The following ATP2A2 variants were observed in gnomAD, a reference collection of about 807,000 sequenced individuals.
ATP2A2 encodes the protein sarcoplasmic/endoplasmic reticulum calcium ATPase 2.
A neutral mutation model predicts 109.3 loss-of-function variants in ATP2A2; 14 were observed. The observed-to-expected ratio is 0.13, with a 90% CI of 0.08 to 0.20. The LOEUF (loss-of-function observed/expected upper bound fraction) is 0.20. Among genes scored for constraint, ATP2A2 ranks in the 10% least tolerant of loss-of-function variants. ATP2A2 has a pLI of 1.00. For missense variants in ATP2A2, 657 were observed against 1,321.6 expected, an observed-to-expected ratio of 0.50 and a Z score of 7.80; for synonymous variants, 506 against 490.9, an observed-to-expected ratio of 1.03 and a Z score of -0.41.
At chr12:110,333,958 T>G in intron 10 of ATP2A2, 54 bp from the exon 11 acceptor site, 1 of 1,611,008 alleles carries the variant, frequency 6.2e-7, no homozygotes, top group South Asian at 1.1e-5. Context: ...TAAAGATAAA[T>G]TTATCTGTGT....
Position 110,347,544 on chromosome 12 carries a change from T to G in ATP2A2, c.*1074T>G. 1.6e-6 allele frequency: 2 copies of G among 1,287,948 alleles called. No homozygotes were observed. The highest frequency in any genetic ancestry group is 2.0e-6 in the Non-Finnish European group (2 of 987,724). The allele number at this position is 1,287,948 out of a possible 1,614,324, so 79.8% of individuals were successfully genotyped here. A position where few individuals can be genotyped will look rare whatever the true frequency, so the allele number is the denominator to read the frequency against. On this transcript the variant is annotated 3_prime_UTR_variant, in exon 20 of 20. Transcript: ENST00000539276. ...TATGCAAGTTTCTGCTGGCCTGGTA[T>G]AGAGAACATAAGGGCAAGTGTGTAT... is the stretch of plus-strand genomic sequence containing the variant.
intron 5 of ATP2A2, among the ~76,000 whole-genome samples, chr12:110,316,937 T>G (rs1231246604): frequency 1.3e-5 from 2 of 152,164 alleles, no homozygotes; most frequent in Non-Finnish European, 2.9e-5. Context: ...GTTGAAAGAT[T>G]TTAAAACAGG....
chr12:110,282,587 A>G lies in ATP2A2; in HGVS notation c.119-17A>G. 1 of 1,613,580 alleles carries G rather than the reference A, an allele frequency of 6.2e-7. No individual in the cohort carries two copies. On this transcript the variant is annotated splice_polypyrimidine_tract_variant and intron_variant, in intron 1 of 19. Transcript: ENST00000539276. ...TCCCTCTTGACACATTGCTTGACGA[A>G]TTTCTACATTCTACAGAGTTACCGG... is the stretch of plus-strand genomic sequence containing the variant.
chr12:110,324,298 T>G (rs1161635119), intron 6 of ATP2A2, among the ~76,000 whole-genome samples: 1 of 152,198 alleles, frequency 6.6e-6, no homozygotes, highest in African/African-American at 2.4e-5. Context: ...ATAGCTTACT[T>G]ATTAAAATTC....
chr12:110,299,327 A>T (rs1467694708), intron 5 of ATP2A2, among the ~76,000 whole-genome samples: 1 of 152,116 alleles, frequency 6.6e-6, no homozygotes, highest in Non-Finnish European at 1.5e-5. Flanking sequence ...ATGGTGATGA[A>T]GAAAATAGGT....
At chr12:110,289,374 A>C (rs1873018227) in intron 3 of ATP2A2, among the ~76,000 whole-genome samples, 1 of 152,222 alleles carries the variant, frequency 6.6e-6, no homozygotes, top group African/African-American at 2.4e-5. Flanking sequence ...TGCATCTATC[A>C]AAATTTATAA....
chr12:110,311,151 G>A (rs1875991519), intron 5 of ATP2A2, among the ~76,000 whole-genome samples: 1 of 152,182 alleles, frequency 6.6e-6, no homozygotes, highest in Admixed American at 6.5e-5. Flanking sequence ...TAAACATTTA[G>A]CAAACATTAA....
intron 5 of ATP2A2, among the ~76,000 whole-genome samples, chr12:110,314,598 C>T (rs1876461640): frequency 1.3e-5 from 2 of 152,200 alleles, no homozygotes; most frequent in Admixed American, 6.5e-5. Flanking sequence ...TGAACAAGTA[C>T]CTTTTAGTGT....
In ATP2A2 at chr12:110,282,546, C is replaced by T. The variant is rs1872244229; in HGVS notation, c.119-58C>T. 44 of 1,316,370 alleles carry T rather than the reference C, an allele frequency of 3.3e-5. No individual in the cohort carries two copies. In the South Asian group the frequency reaches 3.9e-4, roughly 12 times the overall value. 81.5% of individuals were successfully genotyped at this position (1,316,370 alleles called of 1,614,324 possible). A position where few individuals can be genotyped will look rare whatever the true frequency, so the allele number is the denominator to read the frequency against. On this transcript the variant is annotated intron_variant, in intron 1 of 19. Transcript: ENST00000539276. ...AAACGAAGTGCTAAAATGTCTCTCTCTTTTTTTTTTTAACCTCCCTCTTGA... is the reference window on the plus strand; with the variant it reads ...AAACGAAGTGCTAAAATGTCTCTCTTTTTTTTTTTTTAACCTCCCTCTTGA...
intron 3 of ATP2A2, among the ~76,000 whole-genome samples, chr12:110,289,735 T>C (rs1197084031): frequency 6.6e-6 from 1 of 152,194 alleles, no homozygotes; most frequent in Non-Finnish European, 1.5e-5. Context: ...AAGCAATTTT[T>C]TAATTAAAAA....
Position 110,287,050 on chromosome 12 carries a change from C to T in ATP2A2, c.219+4255C>T, listed in dbSNP as rs189723947. 2.6e-3 allele frequency among the ~76,000 whole-genome samples: 399 copies of T among 152,098 alleles called. 2 individuals carry two copies. The highest frequency in any genetic ancestry group is 8.7e-3 in the African/African-American group (359 of 41,502). On this transcript the variant is annotated intron_variant, in intron 3 of 19. Coordinates refer to ENST00000539276, the MANE Select transcript of ATP2A2 (RefSeq NM_170665.4). The stretch of plus-strand genomic sequence containing the variant: ...GGTGGATCATTTGAGGTCAGGAGTT[C>T]GAGACCAGCCTGGCCAACATGGTGA...
intron 5 of ATP2A2, among the ~76,000 whole-genome samples, chr12:110,313,620 A>G (rs1876341315): frequency 6.6e-6 from 1 of 151,344 alleles, no homozygotes; most frequent in Non-Finnish European, 1.5e-5. Context: ...TGGCCATGGG[A>G]ACCACCTTTC....
chr12:110,340,451 T>G lies in ATP2A2; in HGVS notation c.1762-208T>G, dbSNP rs1308124014. ...TACCCTGGAGGCTGAGGCAGAAGAG[T>G]CTCTTGAACCTGGGAGGCGGAGGTC... On this transcript the variant is annotated intron_variant, in intron 13 of 19. Transcript: ENST00000539276. The surrounding 1 kb of genome is among the most constrained non-coding windows in gnomAD (Gnocchi z 6.0). Among the ~76,000 whole-genome samples the G allele has an allele frequency of 6.7e-6, 1 of 148,940 alleles. No homozygotes were observed. Among genetic ancestry groups the G allele is most frequent in the Non-Finnish European group, 1.5e-5 (1 of 67,412 alleles).
chr12:110,292,206 T>A (rs1873391302), intron 4 of ATP2A2, 82 bp downstream of exon 4: 1 of 1,031,682 alleles, frequency 9.7e-7, no homozygotes, highest in African/African-American at 1.6e-5. Context: ...GTTATCTGTT[T>A]TTCCTGATGT....
At chr12:110,301,670 T>A (rs1211962821) in intron 5 of ATP2A2, among the ~76,000 whole-genome samples, 2 of 152,230 alleles carry the variant, frequency 1.3e-5, no homozygotes, top group Non-Finnish European at 2.9e-5. Flanking sequence ...CAGAGTGGTT[T>A]CTTAAAGGTT....
At chr12:110,341,678 G>C (rs1879368451) in intron 14 of ATP2A2, among the ~76,000 whole-genome samples, 1 of 152,208 alleles carries the variant, frequency 6.6e-6, no homozygotes, top group East Asian at 1.9e-4. Flanking sequence ...TTCAAGACCA[G>C]CCTGGCCAAC....
intron 5 of ATP2A2, among the ~76,000 whole-genome samples, chr12:110,313,310 C>CTTTTTTTTTTTT (rs748790705): frequency 8.8e-6 from 1 of 113,202 alleles, no homozygotes; most frequent in Non-Finnish European, 1.7e-5. Context: ...ACCACCTTTC[C>CTTTTTTTTTTTT]TTTTTTTTTT....
At chr12:110,289,739 T>C (rs1278623847) in intron 3 of ATP2A2, among the ~76,000 whole-genome samples, 2 of 152,210 alleles carry the variant, frequency 1.3e-5, no homozygotes, top group African/African-American at 4.8e-5. Context: ...AATTTTTTAA[T>C]TAAAAAAAAT....
At chr12:110,322,081 C>T (rs1877306401) in intron 5 of ATP2A2, among the ~76,000 whole-genome samples, 1 of 152,248 alleles carries the variant, frequency 6.6e-6, no homozygotes, top group South Asian at 2.1e-4. Context: ...AGCTCCGCCT[C>T]CCGGGTTCAC....
Sources: allele counts gnomAD v4.1 joint callset (sites outside exome capture counted in the v4.1 genomes callset), GRCh38; gene constraint gnomAD v4.1.1; non-coding constraint Gnocchi (gnomAD v3.1); transcripts MANE v1.5; gene names NCBI Gene and HGNC (gene_info 2026-07-23, HGNC 2026-07-21).